ABCC3: variants seen among roughly 807,000 people sequenced by gnomAD.
ABCC3 encodes the protein ATP binding cassette subfamily C member 3.
Under a neutral mutation model 165.3 loss-of-function variants are expected in ABCC3, and 121 were observed. The ratio of observed to expected loss-of-function variants is 0.73; its 90% CI spans 0.63 to 0.85. ABCC3 has a LOEUF of 0.85. Among genes scored for constraint, ABCC3 ranks in the 40% least tolerant of loss-of-function variants. The probability of loss-of-function intolerance (pLI) is 0.00; values close to 1 mark genes in which losing one functional copy is unlikely to be tolerated. For missense variants in ABCC3, 1,869 were observed against 1,964.1 expected (o/e 0.95, Z 0.92); for synonymous variants, 733 against 810.1 (o/e 0.90, Z 1.62).
rs756871504 is a variant in ABCC3, at chr17:50,687,739, C to T, written c.4475+9C>T. The T allele has an allele frequency of 5.8e-5, 93 of 1,609,328 alleles. No homozygotes were observed. Among genetic ancestry groups the T allele is most frequent in the East Asian group, 5.4e-4 (24 of 44,758 alleles). ...ATCATGGACTACACCAGGTGGGACA[C>T]GGAAACCTGAGCAATGGGGAACCTG... On this transcript the variant is annotated intron_variant, in intron 30 of 30. Transcript: ENST00000285238.
At chr17:50,669,618 A>G in intron 17 of ABCC3, 90 bp downstream of exon 17, 1 of 1,405,522 alleles carries the variant, frequency 7.1e-7, no homozygotes, top group South Asian at 1.3e-5. Context: ...CCCTTCATTC[A>G]CACATTGGTG....
intron 1 of ABCC3, among the ~76,000 whole-genome samples, chr17:50,648,683 C>A (rs187691749): frequency 6.6e-6 from 1 of 152,232 alleles, no homozygotes; most frequent in Non-Finnish European, 1.5e-5. Flanking sequence ...GTCCTTGGTC[C>A]TTGGTACTCT....
chr17:50,664,232 G>C, intron 10 of ABCC3, 121 bp downstream of exon 10: 2 of 1,357,048 alleles, frequency 1.5e-6, no homozygotes, highest in Non-Finnish European at 2.0e-6. Context: ...TCAGGCGGCT[G>C]AGGCAAGAGG....
chr17:50,659,588 G>A (rs1442245118), intron 7 of ABCC3, among the ~76,000 whole-genome samples: 1 of 152,136 alleles, frequency 6.6e-6, no homozygotes, highest in Non-Finnish European at 1.5e-5. Flanking sequence ...CTGGCACTTT[G>A]GAGCAACTAC....
Position 50,675,645 on chromosome 17 carries a change from T to C in ABCC3, c.2729T>C (p.Leu910Pro), listed in dbSNP as rs1181771194. Residue 910 changes from leucine to proline, a missense_variant, in exon 21 of 31, where the codon CTG becomes CCG. Coordinates refer to ENST00000285238, the MANE Select transcript of ABCC3 (RefSeq NM_003786.4). ...QKQFMRQLSA[L>P]SSDGEGQGRP... ...TGCCTCCACAGACAGCTGAGTGCCC[T>C]GTCCTCAGATGGGGAGGGACAGGGT... 3.2e-6 allele frequency: 5 copies of C among 1,569,236 alleles called. No homozygotes were observed. Among genetic ancestry groups the C allele is most frequent in the Non-Finnish European group, 4.3e-6 (5 of 1,157,140 alleles).
chr17:50,645,371 C>CAAA (rs141598761), intron 1 of ABCC3, among the ~76,000 whole-genome samples: 21 of 46,848 alleles, frequency 4.5e-4, no homozygotes, highest in African/African-American at 1.3e-3. Context: ...AAGATTCCAT[C>CAAA]AAAAAAAAAA....
At chr17:50,645,809 A>G (rs1966993673) in intron 1 of ABCC3, among the ~76,000 whole-genome samples, 1 of 152,180 alleles carries the variant, frequency 6.6e-6, no homozygotes, top group Non-Finnish European at 1.5e-5. Flanking sequence ...TATGTTGCCC[A>G]GGCTGGTCTC....
At chr17:50,685,185 G>A (rs992126208) in intron 29 of ABCC3, among the ~76,000 whole-genome samples, 2 of 152,180 alleles carry the variant, frequency 1.3e-5, no homozygotes, top group Non-Finnish European at 2.9e-5. Flanking sequence ...CCAGCTCTGG[G>A]AGATTCCAAA....
chr17:50,688,919 G>T (rs1968071061), intron 30 of ABCC3, among the ~76,000 whole-genome samples: 1 of 149,064 alleles, frequency 6.7e-6, no homozygotes, highest in African/African-American at 2.5e-5. Context: ...AAAAAAAAAT[G>T]GTGGCCAACG....
At chr17:50,669,821 G>C (rs1967608806) in intron 17 of ABCC3, among the ~76,000 whole-genome samples, 1 of 151,888 alleles carries the variant, frequency 6.6e-6, no homozygotes, top group Non-Finnish European at 1.5e-5. Flanking sequence ...TCTGAGATAA[G>C]GCCTCACTCT....
In ABCC3 at chr17:50,673,551, A is replaced by G. The variant is rs1967696676; in HGVS notation, c.2492A>G (p.Glu831Gly). ...GTGCTAGCTGATGGACAGGTGTCTG[A>G]GATGGGCCCGTACCCAGCCCTGCTG... ...IIVLADGQVSEMGPYPALLQR... is the reference protein window; with the variant it reads ...IIVLADGQVSGMGPYPALLQR... The change falls in exon 19 of 31, where the codon GAG (glutamate) becomes GGG (glycine). Residue 831 changes from glutamate to glycine, a missense_variant. Physicochemically the swap from Glu to Gly is moderately conservative, Grantham distance 98. Transcript: ENST00000285238. 6.2e-7 allele frequency: 1 copy of G among 1,614,004 alleles called. No homozygotes were observed. Among genetic ancestry groups the G allele is most frequent in the Non-Finnish European group, 8.5e-7 (1 of 1,180,004 alleles).
At chr17:50,649,310 T>A (rs533547376) in intron 1 of ABCC3, among the ~76,000 whole-genome samples, 1 of 152,182 alleles carries the variant, frequency 6.6e-6, no homozygotes, top group East Asian at 1.9e-4. Context: ...GAGAAAGGAA[T>A]TGATGTATAG....
At position 50,676,060 on chromosome 17, in the gene ABCC3, G is replaced by A; in HGVS notation, c.3037G>A (p.Gly1013Ser). Residue 1013 changes from glycine to serine, a missense_variant, in exon 22 of 31, where the codon GGC becomes AGC. By Grantham distance (56) the Gly-to-Ser change is moderately conservative (BLOSUM62 0). Transcript: ENST00000285238. ...ACAGAACAACACTTCCCTGAGGCTG[G>A]GCGTCTATGCTGCTTTAGGAATTCT... ...SRQNNTSLRLGVYAALGILQG... is the reference protein window; with the variant it reads ...SRQNNTSLRLSVYAALGILQG... The A allele has an allele frequency of 1.2e-6, 2 of 1,614,176 alleles. No homozygotes were observed. The highest frequency in any genetic ancestry group is 1.7e-6 in the Non-Finnish European group (2 of 1,180,038).
intron 19 of ABCC3, among the ~76,000 whole-genome samples, chr17:50,675,023 C>T (rs938568366): frequency 3.9e-5 from 6 of 152,070 alleles, no homozygotes; most frequent in African/African-American, 9.7e-5. Flanking sequence ...TGGTCTCGAT[C>T]TCCTGACCTC....
intron 19 of ABCC3, among the ~76,000 whole-genome samples, chr17:50,673,991 TC>T (rs1967733957): frequency 1.4e-4 from 1 of 7,024 alleles, no homozygotes; most frequent in Non-Finnish European, 2.7e-4. Flanking sequence ...TCTCTCTCTC[TC>T]TCTCTCTCTC....
intron 1 of ABCC3, chr17:50,635,875 C>T: frequency 2.9e-6 from 1 of 348,760 alleles, no homozygotes; most frequent in East Asian, 4.7e-5. Flanking sequence ...AGAGTGAGAC[C>T]CTGTCTCTAA....
In ABCC3 at chr17:50,656,697, C is replaced by A. The variant is rs535850714; in HGVS notation, c.223-5C>A. 1.2e-6 allele frequency: 2 copies of A among 1,609,484 alleles called. No individual in the cohort carries two copies. The highest frequency in any genetic ancestry group is 1.7e-6 in the Non-Finnish European group (2 of 1,178,090). On this transcript the variant is annotated splice_region_variant and splice_polypyrimidine_tract_variant and intron_variant, in intron 2 of 30. Transcript: ENST00000285238. ...TGCGGATTCCAACCTGTGCTCTCTT[C>A]GCAGGTCCTGGGTGTCCTGCTGTGG...
intron 6 of ABCC3, among the ~76,000 whole-genome samples, chr17:50,659,011 G>T (rs138761533): frequency 6.6e-6 from 1 of 152,320 alleles, no homozygotes; most frequent in Non-Finnish European, 1.5e-5. Flanking sequence ...TGGGACACCT[G>T]GGGAGGAGGA....
chr17:50,657,996 C>T, intron 4 of ABCC3, 86 bp from the exon 5 acceptor site: 2 of 1,590,970 alleles, frequency 1.3e-6, no homozygotes, highest in East Asian at 2.2e-5. Context: ...CCAGAGGAGA[C>T]TGATGCCCCA....
Sources: gnomAD v4.1 joint callset for allele counts (sites outside exome capture counted in the v4.1 genomes callset) on GRCh38, gnomAD v4.1.1 for gene constraint, MANE v1.5 for transcripts, NCBI Gene and HGNC (gene_info 2026-07-23, HGNC 2026-07-21) for gene names.